Variants in ROBO2 observed in about 807,000 individuals in gnomAD.
ROBO2 encodes the protein roundabout homolog 2.
In ROBO2, 53 loss-of-function variants were observed where a neutral mutation model predicts 160.8. The ratio of observed to expected loss-of-function variants is 0.33; its 90% CI spans 0.26 to 0.41. ROBO2 has a LOEUF of 0.41. ROBO2 is among the 10% of genes least tolerant of loss of function. The pLI is 1.00. For missense variants in ROBO2, 1,577 were observed against 1,722.4 expected (o/e 0.92, Z 1.49); for synonymous variants, 664 against 611.7 (o/e 1.09, Z -1.26).
rs1003241545 is a variant in ROBO2, at chr3:75,979,084, C to T, written c.109+41482C>T. Among the ~76,000 whole-genome samples the T allele has an allele frequency of 9.2e-5, 14 of 151,574 alleles. No individual in the cohort carries two copies. The East Asian group carries it at 2.7e-3, about 30-fold the overall frequency. ...GATGCATATGTAAGATCAACTGCTC[C>T]CAGCTCAGAGAGGCAGGACCACTTA... On this transcript the variant is annotated intron_variant, in intron 2 of 26. Transcript: ENST00000487694.
chr3:76,629,681 C>T (rs1027482966), intron 2 of ROBO2, among the ~76,000 whole-genome samples: 2 of 152,100 alleles, frequency 1.3e-5, no homozygotes, highest in Admixed American at 6.5e-5. Flanking sequence ...ACAGACACGC[C>T]CAGAAACAAT....
chr3:77,250,180 C>G (rs1003365612), intron 2 of ROBO2, among the ~76,000 whole-genome samples: 2 of 152,166 alleles, frequency 1.3e-5, no homozygotes, highest in Non-Finnish European at 2.9e-5. Context: ...TGAATTCTGT[C>G]TCAGCTTTTG....
At chr3:76,387,204 G>A (rs1349170176) in intron 2 of ROBO2, among the ~76,000 whole-genome samples, 1 of 152,062 alleles carries the variant, frequency 6.6e-6, no homozygotes, top group Non-Finnish European at 1.5e-5. Context: ...CATCCATGGG[G>A]GCGGAGGCTC....
chr3:77,246,206 C>T (rs74784092), intron 2 of ROBO2, among the ~76,000 whole-genome samples: 156 of 152,236 alleles, frequency 1.0e-3, no homozygotes, highest in African/African-American at 3.5e-3. Flanking sequence ...GCAACTTTTT[C>T]ATGAGTTTAT....
chr3:76,963,417 C>T (rs2079815070), intron 2 of ROBO2, among the ~76,000 whole-genome samples: 5 of 152,076 alleles, frequency 3.3e-5, no homozygotes, highest in Non-Finnish European at 7.4e-5. Flanking sequence ...TAAAATTATG[C>T]TTATACCATG....
chr3:76,303,671 A>ATG (rs2071183169), intron 2 of ROBO2, among the ~76,000 whole-genome samples: 1 of 152,220 alleles, frequency 6.6e-6, no homozygotes, highest in South Asian at 2.1e-4. Context: ...AAAGCATATT[A>ATG]TGAAGTAAAA....
intron 2 of ROBO2, among the ~76,000 whole-genome samples, chr3:76,924,461 A>G (rs1216791075): frequency 1.3e-5 from 2 of 152,232 alleles, no homozygotes; most frequent in East Asian, 3.9e-4. Flanking sequence ...GGAATCTGCC[A>G]GTGCCTTGAT....
intron 2 of ROBO2, among the ~76,000 whole-genome samples, chr3:76,834,405 C>T (rs575769258): frequency 6.6e-6 from 1 of 151,802 alleles, no homozygotes; most frequent in Non-Finnish European, 1.5e-5. Context: ...CACTCTGTTG[C>T]CCAGGCTGGA....
chr3:76,244,105 T>C (rs1204623994), intron 2 of ROBO2, among the ~76,000 whole-genome samples: 1 of 152,190 alleles, frequency 6.6e-6, no homozygotes, highest in East Asian at 1.9e-4. Flanking sequence ...AGAAACAACC[T>C]AAGAAATGGA....
chr3:76,977,293 G>T (rs1333993854), intron 2 of ROBO2, among the ~76,000 whole-genome samples: 2 of 152,106 alleles, frequency 1.3e-5, no homozygotes, highest in East Asian at 3.9e-4. Flanking sequence ...TTTACAGAGA[G>T]GAAAGTGATT....
At chr3:76,252,868 T>C (rs1706121542) in intron 2 of ROBO2, among the ~76,000 whole-genome samples, 1 of 151,880 alleles carries the variant, frequency 6.6e-6, no homozygotes, top group African/African-American at 2.4e-5. Flanking sequence ...AAGTAGCCTC[T>C]AGGGGAGGCC....
chr3:76,241,433 T>G (rs770229281), intron 2 of ROBO2, among the ~76,000 whole-genome samples: 26 of 152,220 alleles, frequency 1.7e-4, no homozygotes, highest in Admixed American at 2.0e-4. Context: ...GCAGAAGATA[T>G]AGCAGAGAAC....
intron 2 of ROBO2, among the ~76,000 whole-genome samples, chr3:76,075,507 TAACAAGTGTCAAAA>T (rs1559890687): frequency 6.7e-6 from 1 of 148,566 alleles, no homozygotes; most frequent in Non-Finnish European, 1.5e-5. Context: ...GTTTTCCATA[TAACAAGTGTCAAAA>T]AGCATAGATG....
chr3:77,097,920 G>A, intron 1 of ROBO2, 94 bp from the exon 2 acceptor site: 1 of 1,082,266 alleles, frequency 9.2e-7, no homozygotes, highest in Non-Finnish European at 1.3e-6. Context: ...TTGGATAATC[G>A]AAGAGTTTAA....
intron 2 of ROBO2, among the ~76,000 whole-genome samples, chr3:77,407,601 A>G (rs1052181630): frequency 6.6e-6 from 1 of 152,234 alleles, no homozygotes; most frequent in Non-Finnish European, 1.5e-5. Context: ...TCACTCCTGC[A>G]GCGTTTACTT....
chr3:77,196,783 T>C (rs1560210293), intron 2 of ROBO2, among the ~76,000 whole-genome samples: 1 of 151,930 alleles, frequency 6.6e-6, no homozygotes, highest in East Asian at 1.9e-4. Context: ...TGTAGAAAAA[T>C]ATGTTCTTTA....
chr3:77,455,451 C>A (rs1297968178), intron 2 of ROBO2, among the ~76,000 whole-genome samples: 1 of 151,982 alleles, frequency 6.6e-6, no homozygotes, highest in African/African-American at 2.4e-5. Context: ...TACTCTTTTT[C>A]TTTTTGAGTC....
At chr3:76,622,187 A>AGGATGGAAGGAAGG (rs765638700) in intron 2 of ROBO2, among the ~76,000 whole-genome samples, 2 of 57,190 alleles carry the variant, frequency 3.5e-5, no homozygotes, top group African/African-American at 6.5e-5. Context: ...CTACTAAAAA[A>AGGATGGAAGGAAGG]AAGAAAGGAA....
At chr3:76,878,499 T>C (rs2073005875) in intron 2 of ROBO2, among the ~76,000 whole-genome samples, 1 of 152,146 alleles carries the variant, frequency 6.6e-6, no homozygotes, top group Admixed American at 6.5e-5. Flanking sequence ...ATAAAATAAA[T>C]GAAATATGAT....
Sources: gnomAD v4.1 joint callset for allele counts (sites outside exome capture counted in the v4.1 genomes callset) on GRCh38, gnomAD v4.1.1 for gene constraint, MANE v1.5 for transcripts, NCBI Gene and HGNC (gene_info 2026-07-23, HGNC 2026-07-21) for gene names.